The following FRK variants were observed in gnomAD, a reference collection of about 807,000 sequenced individuals.
The protein encoded by FRK is tyrosine-protein kinase FRK.
In FRK, 51 loss-of-function variants were observed where a neutral mutation model predicts 56.4. The ratio of observed to expected loss-of-function variants is 0.90; its 90% CI spans 0.72 to 1.14. FRK has a LOEUF of 1.14. FRK is among the 50% of genes most tolerant of loss of function. FRK has a pLI of 0.00. For missense variants in FRK, 570 were observed against 601.4 expected (o/e 0.95, Z 0.55); for synonymous variants, 245 against 217.9 (o/e 1.12, Z -1.10).
intron 5 of FRK, among the ~76,000 whole-genome samples, chr6:115,947,519 C>A (rs1185438780): frequency 6.6e-6 from 1 of 152,018 alleles, no homozygotes; most frequent in African/African-American, 2.4e-5. Context: ...TAGTTCTGGG[C>A]AATGCAATGT....
At chr6:116,078,979 G>A in the FRK span, among the ~76,000 whole-genome samples, 1,044 of 152,158 alleles carry the variant, frequency 6.9e-3, 19 homozygotes, top group South Asian at 0.044. Context: ...TTTCATTGCT[G>A]TGTATTGTAA....
Position 116,050,632 on chromosome 6 carries a change from G to A in FRK, c.344+9336C>T, listed in dbSNP as rs1027296197. On this transcript the variant is annotated intron_variant, in intron 1 of 7. Coordinates refer to ENST00000606080, the MANE Select transcript of FRK (RefSeq NM_002031.3). The stretch of plus-strand genomic sequence containing the variant: ...GTGTTCCTGATGTGCTTTTGACAAA[G>A]GGCATTGTCACAACATTCTTGGTTT... Among the ~76,000 whole-genome samples, 18 of 152,060 alleles carry A rather than the reference G, an allele frequency of 1.2e-4. 1 individual carries two copies. The highest frequency in any genetic ancestry group is 4.3e-4 in the African/African-American group (18 of 41,418).
In FRK at chr6:115,936,817, G is replaced by A. The variant is rs1417605147; in HGVS notation, c.*5597C>T. 6.6e-6 allele frequency: 1 copy of A among 152,188 alleles called. No homozygotes were observed. Among genetic ancestry groups the A allele is most frequent in the African/African-American group, 2.4e-5 (1 of 41,438 alleles). The allele number at this position is 152,188 out of a possible 1,614,324, so 9.4% of individuals were successfully genotyped here. On this transcript the variant is annotated 3_prime_UTR_variant, in exon 8 of 8. Transcript: ENST00000606080. ...AACTAACAAAGCCTCCAAGAAATATGGGATTATGTGAAAACACCAAGTCTA... is the reference window on the plus strand; with the variant it reads ...AACTAACAAAGCCTCCAAGAAATATAGGATTATGTGAAAACACCAAGTCTA...
At chr6:116,052,776 G>C (rs552191718) in intron 1 of FRK, among the ~76,000 whole-genome samples, 26 of 152,216 alleles carry the variant, frequency 1.7e-4, no homozygotes, top group African/African-American at 6.3e-4. Context: ...GCAGACGGTC[G>C]AAGACTGAAA....
intron 2 of FRK, among the ~76,000 whole-genome samples, chr6:115,989,662 C>A (rs750290724): frequency 2.6e-5 from 4 of 151,786 alleles, no homozygotes; most frequent in African/African-American, 7.3e-5. Flanking sequence ...AAAATACATA[C>A]CACATTTTCT....
chr6:115,989,254 A>C (rs1486613263), intron 2 of FRK, among the ~76,000 whole-genome samples: 1 of 151,952 alleles, frequency 6.6e-6, no homozygotes, highest in Non-Finnish European at 1.5e-5. Context: ...AAATGGTTCA[A>C]AAGTGCATCA....
At chr6:116,086,179 G>T in the FRK span, among the ~76,000 whole-genome samples, 1 of 151,968 alleles carries the variant, frequency 6.6e-6, no homozygotes, top group Non-Finnish European at 1.5e-5. Context: ...CTAATTGTTT[G>T]TATTTCCAAA....
At chr6:116,018,572 A>G (rs1775741975) in intron 1 of FRK, among the ~76,000 whole-genome samples, 1 of 152,200 alleles carries the variant, frequency 6.6e-6, no homozygotes, top group Non-Finnish European at 1.5e-5. Flanking sequence ...TCTCTTACAA[A>G]GTGTTTTCAT....
At chr6:116,079,666 C>T in the FRK span, among the ~76,000 whole-genome samples, 1 of 152,180 alleles carries the variant, frequency 6.6e-6, no homozygotes, top group Non-Finnish European at 1.5e-5. Context: ...TCATGGCTCA[C>T]TGCAGCCTTG....
intron 2 of FRK, among the ~76,000 whole-genome samples, chr6:115,997,179 G>C (rs1774873226): frequency 6.6e-6 from 1 of 152,124 alleles, no homozygotes; most frequent in African/African-American, 2.4e-5. Context: ...TCTACCATTT[G>C]TGCAATACTT....
At chr6:116,090,973 T>C in the FRK span, among the ~76,000 whole-genome samples, 1 of 152,210 alleles carries the variant, frequency 6.6e-6, no homozygotes, top group Non-Finnish European at 1.5e-5. Context: ...TGCTCTACCA[T>C]TTGAGATTTT....
upstream of FRK, among the ~76,000 whole-genome samples, chr6:116,061,131 A>T (rs1263287387): frequency 6.6e-6 from 1 of 152,136 alleles, no homozygotes; most frequent in Non-Finnish European, 1.5e-5. Context: ...TTTCCCTGAC[A>T]AATAGGAGTA....
chr6:115,976,605 T>C (rs1774000325), intron 2 of FRK, among the ~76,000 whole-genome samples: 2 of 152,170 alleles, frequency 1.3e-5, no homozygotes, highest in Non-Finnish European at 2.9e-5. Flanking sequence ...GATAATAATC[T>C]CTTCCCATAC....
chr6:116,006,035 T>C (rs1775235844), intron 1 of FRK, among the ~76,000 whole-genome samples: 1 of 152,114 alleles, frequency 6.6e-6, no homozygotes, highest in Non-Finnish European at 1.5e-5. Context: ...TACATCACAG[T>C]TAAAATCTTC....
the FRK span, among the ~76,000 whole-genome samples, chr6:116,068,130 C>G: frequency 6.6e-6 from 1 of 152,002 alleles, no homozygotes; most frequent in Non-Finnish European, 1.5e-5. Flanking sequence ...TGACAAGAAT[C>G]CGTTAAAATG....
intron 5 of FRK, 74 bp downstream of exon 5, chr6:115,956,378 T>C (rs1772990804): frequency 8.8e-7 from 1 of 1,138,590 alleles, no homozygotes; most frequent in South Asian, 2.3e-5. Context: ...TACAGAAGGC[T>C]TGCTAAATTG....
intron 2 of FRK, among the ~76,000 whole-genome samples, chr6:115,973,938 C>T (rs1003640860): frequency 6.6e-6 from 1 of 150,464 alleles, no homozygotes; most frequent in Non-Finnish European, 1.5e-5. Flanking sequence ...AGTCCCAATT[C>T]ATTTCTCCAC....
intron 4 of FRK, 83 bp downstream of exon 4, chr6:115,967,468 C>G (rs1488724840): frequency 1.4e-6 from 2 of 1,384,200 alleles, no homozygotes; most frequent in Non-Finnish European, 2.0e-6. Flanking sequence ...TATTAGCCAC[C>G]CTATGACCTC....
chr6:116,029,760 C>T (rs1009707888), intron 1 of FRK, among the ~76,000 whole-genome samples: 1 of 152,072 alleles, frequency 6.6e-6, no homozygotes, highest in Non-Finnish European at 1.5e-5. Context: ...AATTAGCAAG[C>T]CACAGTGCTA....
Sources: allele counts gnomAD v4.1 joint callset (sites outside exome capture counted in the v4.1 genomes callset), GRCh38; gene constraint gnomAD v4.1.1; transcripts MANE v1.5; gene names NCBI Gene and HGNC (gene_info 2026-07-23, HGNC 2026-07-21).